SLC45A4: variants seen among roughly 807,000 people sequenced by gnomAD.
The protein encoded by SLC45A4 is polyamine-transporter SLC45A4.
Under a neutral mutation model 63.7 loss-of-function variants are expected in SLC45A4, and 32 were observed. The ratio of observed to expected loss-of-function variants is 0.50; its 90% CI spans 0.38 to 0.67. The LOEUF (loss-of-function observed/expected upper bound fraction) is 0.67. Ranked by LOEUF, SLC45A4 falls within the 30% of genes least tolerant of loss-of-function variation. The probability of loss-of-function intolerance (pLI) is 0.00; values close to 1 mark genes in which losing one functional copy is unlikely to be tolerated. For synonymous variants in SLC45A4, 535 were observed against 510.0 expected, an observed-to-expected ratio of 1.05 and a Z score of -0.66; for missense variants, 1,027 against 1,157.7, an observed-to-expected ratio of 0.89 and a Z score of 1.64.
intron 1 of SLC45A4, among the ~76,000 whole-genome samples, chr8:141,258,718 A>G (rs1828919159): frequency 1.3e-5 from 2 of 152,076 alleles, no homozygotes; most frequent in African/African-American, 2.4e-5. Context: ...CTCCATCTCT[A>G]TAATTATTAT....
At chr8:141,296,710 C>T (rs1256274846) in intron 1 of SLC45A4, among the ~76,000 whole-genome samples, 1 of 150,722 alleles carries the variant, frequency 6.6e-6, no homozygotes, top group Non-Finnish European at 1.5e-5. Flanking sequence ...GTGGCGCACA[C>T]CTGTGGTCCC....
At chr8:141,219,918 G>C in intron 3 of SLC45A4, 89 bp from the exon 4 acceptor site, 1 of 1,288,292 alleles carries the variant, frequency 7.8e-7, no homozygotes, top group Non-Finnish European at 1.0e-6. Context: ...AGGGGCATGC[G>C]GAGGGGGCAC....
chr8:141,212,698 C>G (rs1007918340), intron 7 of SLC45A4, 142 bp from the exon 8 acceptor site: 9 of 984,212 alleles, frequency 9.1e-6, no homozygotes, highest in Admixed American at 8.5e-5. Context: ...CCTGCCTGAG[C>G]ACCCTCAATC....
chr8:141,292,117 CTCACCGCCCT>C (rs1442364505), intron 1 of SLC45A4, among the ~76,000 whole-genome samples: 1 of 152,254 alleles, frequency 6.6e-6, no homozygotes, highest in Non-Finnish European at 1.5e-5. Flanking sequence ...CTCCCCGCCC[CTCACCGCCCT>C]GGAGCTGCCT....
chr8:141,307,660 G>A (rs1380999961), intron 1 of SLC45A4, among the ~76,000 whole-genome samples: 2 of 152,110 alleles, frequency 1.3e-5, no homozygotes, highest in Non-Finnish European at 2.9e-5. Flanking sequence ...TAGCAGGCAG[G>A]GGTTAGAAGG....
At chr8:141,304,070 AG>A (rs35328870) in intron 1 of SLC45A4, among the ~76,000 whole-genome samples, 61,649 of 151,958 alleles carry the variant, frequency 0.41, 14,579 homozygotes, top group Non-Finnish European at 0.53. Flanking sequence ...CTCACTAGAC[AG>A]GAAGGTGGGC....
Position 141,278,727 on chromosome 8 carries a change from G to C in SLC45A4, c.-400-24098C>G, listed in dbSNP as rs891332123. ...GCAATGCAATCAGCTGACCAGAGAG[G>C]AAGCTGGGCTCCTTGCTAACGTCTC... On this transcript the variant is annotated intron_variant, in intron 1 of 8. Coordinates refer to ENST00000517878, the MANE Select transcript of SLC45A4 (RefSeq NM_001286646.2). The surrounding 1 kb of genome is among the most constrained non-coding windows in gnomAD (Gnocchi z 4.1). Among the ~76,000 whole-genome samples, 4 of 152,250 alleles carry C rather than the reference G, an allele frequency of 2.6e-5. No individual in the cohort carries two copies. Among genetic ancestry groups the C allele is most frequent in the Non-Finnish European group, 2.9e-5 (2 of 68,042 alleles).
At chr8:141,307,032 G>A (rs1830917356) in intron 1 of SLC45A4, among the ~76,000 whole-genome samples, 1 of 152,206 alleles carries the variant, frequency 6.6e-6, no homozygotes, top group African/African-American at 2.4e-5. Context: ...CACTCCATCA[G>A]TGACCCGCAC....
intron 2 of SLC45A4, among the ~76,000 whole-genome samples, chr8:141,242,878 C>G (rs1827984145): frequency 6.6e-6 from 1 of 152,204 alleles, no homozygotes; most frequent in Admixed American, 6.5e-5. Flanking sequence ...GTATCCCAGG[C>G]CACGCAATGT....
At chr8:141,242,566 T>C (rs1367289732) in intron 2 of SLC45A4, among the ~76,000 whole-genome samples, 2 of 152,196 alleles carry the variant, frequency 1.3e-5, no homozygotes, top group Non-Finnish European at 2.9e-5. Flanking sequence ...GAGGGTCTCA[T>C]GAGAATACAA....
chr8:141,228,697 G>A, intron 2 of SLC45A4: 3 of 877,356 alleles, frequency 3.4e-6, no homozygotes, highest in Non-Finnish European at 4.1e-6. Context: ...TGAGATTCCG[G>A]AAGCTTCCTG....
intron 1 of SLC45A4, among the ~76,000 whole-genome samples, chr8:141,306,930 A>C (rs1830914932): frequency 6.6e-6 from 1 of 152,340 alleles, no homozygotes; most frequent in East Asian, 1.9e-4. Flanking sequence ...GACAGCCCCC[A>C]AAACAGTAAT....
intron 8 of SLC45A4, 86 bp downstream of exon 8, chr8:141,212,111 T>C (rs1011617226): frequency 6.7e-5 from 96 of 1,435,032 alleles, no homozygotes; most frequent in Non-Finnish European, 8.3e-5. Flanking sequence ...GCGGTGTCTC[T>C]GCTCCCGCCC....
rs1396991972 is a variant in SLC45A4, at chr8:141,278,521, G to A, written c.-400-23892C>T. On this transcript the variant is annotated intron_variant, in intron 1 of 8. Transcript: ENST00000517878. This position sits in a 1 kb window ranked among gnomAD's most constrained non-coding sequence, Gnocchi z 4.1. ...TGTGGTGGAGGCGGGGCGGGCGGCC[G>A]ACCCACGAGGACACTGGTGAGACAG... Among the ~76,000 whole-genome samples the A allele has an allele frequency of 1.3e-5, 2 of 150,862 alleles. No individual in the cohort carries two copies. The highest frequency in any genetic ancestry group is 6.6e-5 in the Admixed American group (1 of 15,194).
chr8:141,211,480 C>T lies in SLC45A4; in HGVS notation c.*92G>A, dbSNP rs763621048. 24 of 1,603,804 alleles carry T rather than the reference C, an allele frequency of 1.5e-5. No individual in the cohort carries two copies. The highest frequency in any genetic ancestry group is 2.0e-5 in the Non-Finnish European group (24 of 1,174,980). On this transcript the variant is annotated 3_prime_UTR_variant, in exon 9 of 9. Coordinates refer to ENST00000517878, the MANE Select transcript of SLC45A4 (RefSeq NM_001286646.2). Reference sequence around the variant, plus strand: ...CCCAGGCCCCCCGGACCAGCCTCCTCCCAGCTTTGGTGTGCGGTCGCTGCC... The same window carrying T: ...CCCAGGCCCCCCGGACCAGCCTCCTTCCAGCTTTGGTGTGCGGTCGCTGCC...
intron 1 of SLC45A4, among the ~76,000 whole-genome samples, chr8:141,285,524 C>T (rs140872962): frequency 9.3e-4 from 141 of 152,320 alleles, no homozygotes; most frequent in African/African-American, 3.2e-3. Flanking sequence ...GGGTATAAAC[C>T]GCACACGAGC....
At position 141,210,103 on chromosome 8, in the gene SLC45A4, C is replaced by T. The variant is rs1825725762; in HGVS notation, c.*1469G>A. ...GTTTTATAGTCGTCAGGACGAGAAG[C>T]CGGAGAAACCAGCTAAGACGGGAGC... On this transcript the variant is annotated 3_prime_UTR_variant, in exon 9 of 9. Transcript: ENST00000517878. The T allele has an allele frequency of 1.3e-5, 2 of 152,246 alleles. No individual in the cohort carries two copies. Among genetic ancestry groups the T allele is most frequent in the South Asian group, 4.1e-4 (2 of 4,836 alleles). The allele number at this position is 152,246 out of a possible 1,614,324, so 9.4% of individuals were successfully genotyped here.
intron 1 of SLC45A4, among the ~76,000 whole-genome samples, chr8:141,301,885 C>T (rs147357965): frequency 0.012 from 1,785 of 151,934 alleles, 126 homozygotes; most frequent in Admixed American, 0.092. Context: ...TTGCATAGAC[C>T]TAGGTGGTCA....
chr8:141,288,279 C>T (rs1830224245), intron 1 of SLC45A4, among the ~76,000 whole-genome samples: 1 of 152,224 alleles, frequency 6.6e-6, no homozygotes, highest in Non-Finnish European at 1.5e-5. Flanking sequence ...AGAAGGCTGG[C>T]CGCTCAGTGC....
Sources: gnomAD v4.1 joint callset for allele counts (sites outside exome capture counted in the v4.1 genomes callset) on GRCh38, gnomAD v4.1.1 for gene constraint, Gnocchi (gnomAD v3.1) non-coding constraint, MANE v1.5 for transcripts, NCBI Gene and HGNC (gene_info 2026-07-23, HGNC 2026-07-21) for gene names.